The following EVL variants were observed in gnomAD, a reference collection of about 807,000 sequenced individuals.
The protein encoded by EVL is ena/VASP-like protein.
In EVL, 21 loss-of-function variants were observed where a neutral mutation model predicts 59.6. The observed-to-expected ratio is 0.35, with a 90% CI of 0.25 to 0.51. The LOEUF (loss-of-function observed/expected upper bound fraction) is 0.51, where lower values mean the gene tolerates loss of function less well. EVL is among the 20% of genes least tolerant of loss of function. The probability of loss-of-function intolerance (pLI) is 0.97; values close to 1 mark genes in which losing one functional copy is unlikely to be tolerated. For synonymous variants in EVL, 198 were observed against 203.5 expected (o/e 0.97, Z 0.23); for missense variants, 462 against 546.6 (o/e 0.85, Z 1.54).
intron 2 of EVL, among the ~76,000 whole-genome samples, chr14:100,094,356 C>G (rs370933411): frequency 1.3e-5 from 2 of 152,126 alleles, no homozygotes; most frequent in Admixed American, 6.5e-5. Flanking sequence ...TCATTTCCCC[C>G]CCAAGAGCCA....
intron 3 of EVL, among the ~76,000 whole-genome samples, chr14:100,119,037 C>A (rs576418168): frequency 6.6e-6 from 1 of 152,328 alleles, no homozygotes; most frequent in African/African-American, 2.4e-5. Context: ...AGAGGTCAGC[C>A]AGGGAACCTA....
At chr14:100,122,308 T>C (rs927362634) in intron 3 of EVL, among the ~76,000 whole-genome samples, 1 of 152,230 alleles carries the variant, frequency 6.6e-6, no homozygotes. Flanking sequence ...ATCTGCCACT[T>C]GCTGTATGTA....
At chr14:100,120,065 C>T (rs929601338) in intron 3 of EVL, among the ~76,000 whole-genome samples, 2 of 152,208 alleles carry the variant, frequency 1.3e-5, no homozygotes, top group Non-Finnish European at 2.9e-5. Flanking sequence ...GGGTCAGCAG[C>T]TCTGTGACTT....
At chr14:100,046,775 A>C (rs10162590) in intron 1 of EVL, among the ~76,000 whole-genome samples, 137,274 of 137,294 alleles carry the variant, frequency 1, 68,627 homozygotes, top group Middle Eastern at 1. Flanking sequence ...TTTTTTGAGG[A>C]AGAGTCTTGC....
chr14:99,976,108 C>T (rs2140166628), intron 1 of EVL, among the ~76,000 whole-genome samples: 1 of 152,134 alleles, frequency 6.6e-6, no homozygotes, highest in East Asian at 1.9e-4. Flanking sequence ...AGTCATGACT[C>T]ACTACAGCCT....
At chr14:100,125,122 C>CCATACACA (rs142613424) in intron 4 of EVL, among the ~76,000 whole-genome samples, 3 of 103,078 alleles carry the variant, frequency 2.9e-5, no homozygotes, top group African/African-American at 9.5e-5. Context: ...CAAGGCGGGA[C>CCATACACA]CACACACACA....
Position 100,144,071 on chromosome 14 carries a change from G to A in EVL, c.*333G>A, listed in dbSNP as rs529147663. 17 of 375,560 alleles carry A rather than the reference G, an allele frequency of 4.5e-5. No individual in the cohort carries two copies. Among genetic ancestry groups the A allele is most frequent in the East Asian group, 1.1e-4 (2 of 18,258 alleles). The allele number at this position is 375,560 out of a possible 1,614,324, so 23.3% of individuals were successfully genotyped here. A position where few individuals can be genotyped will look rare whatever the true frequency, so the allele number is the denominator to read the frequency against. On this transcript the variant is annotated 3_prime_UTR_variant, in exon 14 of 14. Transcript: ENST00000392920. ...GTTTCCAGGTTTTCTCCCAGGTGAC[G>A]CTGTTAGCGCCTCAGCTGGCGGTGA... is the stretch of plus-strand genomic sequence containing the variant.
intron 4 of EVL, among the ~76,000 whole-genome samples, chr14:100,125,083 C>CACACAG (rs775349572): frequency 2.0e-5 from 3 of 151,084 alleles, no homozygotes; most frequent in Non-Finnish European, 4.4e-5. Flanking sequence ...GGTGGGACCA[C>CACACAG]ACACAGACAC....
intron 1 of EVL, among the ~76,000 whole-genome samples, chr14:100,055,309 CATA>C (rs2061711408): frequency 6.6e-6 from 1 of 152,022 alleles, no homozygotes; most frequent in Non-Finnish European, 1.5e-5. Flanking sequence ...TTTCTCTGCG[CATA>C]ATGTTTTCTA....
chr14:100,029,798 G>A (rs539576537), intron 1 of EVL, among the ~76,000 whole-genome samples: 5 of 152,230 alleles, frequency 3.3e-5, no homozygotes, highest in Middle Eastern at 3.4e-3. Context: ...GCTGATTGAG[G>A]GGAGAGTTTT....
chr14:100,085,934 T>C (rs1309141763), intron 2 of EVL, among the ~76,000 whole-genome samples: 4 of 152,098 alleles, frequency 2.6e-5, no homozygotes. Flanking sequence ...AAGACCAGCC[T>C]GGCTAACACG....
chr14:99,985,053 T>C (rs986152527), intron 1 of EVL, among the ~76,000 whole-genome samples: 1 of 152,204 alleles, frequency 6.6e-6, no homozygotes, highest in African/African-American at 2.4e-5. Flanking sequence ...TATATCTCTT[T>C]AGGCTCCTCT....
intron 2 of EVL, among the ~76,000 whole-genome samples, chr14:100,091,961 G>GC (rs2062574649): frequency 6.6e-6 from 1 of 152,200 alleles, no homozygotes; most frequent in Non-Finnish European, 1.5e-5. Context: ...GAGGCTGGGT[G>GC]CAGTGGCTCT....
In EVL at chr14:100,095,014, C is replaced by G. The variant is rs535428003; in HGVS notation, c.181-2467C>G. On this transcript the variant is annotated intron_variant, in intron 2 of 13. Transcript: ENST00000392920. ...CAAGATCGCACCACTGCACTCCAGC[C>G]TGGGTGACAGAGCGAGACTCCGTCT... Among the ~76,000 whole-genome samples the G allele has an allele frequency of 4.6e-5, 7 of 152,284 alleles. No homozygotes were observed. The South Asian group carries it at 1.2e-3, about 27-fold the overall frequency.
chr14:100,082,822 G>A (rs921741050), intron 1 of EVL, among the ~76,000 whole-genome samples: 12 of 152,216 alleles, frequency 7.9e-5, no homozygotes, highest in African/African-American at 2.2e-4. Flanking sequence ...CAGGCTGATA[G>A]GGTGTCCCCA....
At chr14:100,018,229 C>T (rs1595565867) in intron 1 of EVL, among the ~76,000 whole-genome samples, 1 of 152,272 alleles carries the variant, frequency 6.6e-6, no homozygotes, top group South Asian at 2.1e-4. Context: ...CTCAGCCCCT[C>T]GGAGAGGGAG....
chr14:100,089,384 A>C (rs944262009), intron 2 of EVL, among the ~76,000 whole-genome samples: 2 of 152,254 alleles, frequency 1.3e-5, no homozygotes, highest in Admixed American at 6.5e-5. Flanking sequence ...GCTGGGCCAT[A>C]AAGCAAGTGT....
chr14:99,988,346 A>G (rs1010857451), intron 1 of EVL, among the ~76,000 whole-genome samples: 79 of 152,216 alleles, frequency 5.2e-4, no homozygotes, highest in African/African-American at 1.9e-3. Context: ...AACCAAAACC[A>G]CAATGAAATA....
At chr14:100,134,733 C>T (rs893499281) in intron 8 of EVL, 3 of 152,246 alleles carry the variant, frequency 2.0e-5, no homozygotes, top group Non-Finnish European at 4.4e-5. Flanking sequence ...ATGTGGAGTC[C>T]GGTGACTTGG....
Sources: allele counts gnomAD v4.1 joint callset (sites outside exome capture counted in the v4.1 genomes callset), GRCh38; gene constraint gnomAD v4.1.1; transcripts MANE v1.5; gene names NCBI Gene and HGNC (gene_info 2026-07-23, HGNC 2026-07-21).